Variants in CDH4 observed in about 807,000 individuals in gnomAD.
CDH4 encodes the protein cadherin 4.
A neutral mutation model predicts 86.0 loss-of-function variants in CDH4; 33 were observed. That is an observed-to-expected ratio of 0.38 (90% CI 0.29 to 0.51). The LOEUF (loss-of-function observed/expected upper bound fraction) is 0.51, where lower values mean the gene tolerates loss of function less well. Among genes scored for constraint, CDH4 ranks in the 20% least tolerant of loss-of-function variants. The pLI is 0.86. For synonymous variants in CDH4, 555 were observed against 549.4 expected (o/e 1.01, Z -0.14); for missense variants, 1,114 against 1,307.4 (o/e 0.85, Z 2.28).
chr20:61,562,806 G>A (rs1441373888), intron 2 of CDH4, among the ~76,000 whole-genome samples: 2 of 152,216 alleles, frequency 1.3e-5, no homozygotes, highest in Admixed American at 6.5e-5. Context: ...TGTAAATCGT[G>A]GTTCAGTGAG....
chr20:61,313,261 G>A (rs1197945970), intron 2 of CDH4, among the ~76,000 whole-genome samples: 3 of 152,152 alleles, frequency 2.0e-5, no homozygotes, highest in African/African-American at 7.2e-5. Context: ...ATGCTTCACT[G>A]TGAGTCTCCA....
In CDH4 at chr20:61,902,118, A is replaced by C. The variant is rs1453584079; in HGVS notation, c.1188+7071A>C. On this transcript the variant is annotated intron_variant, in intron 8 of 15. Coordinates refer to ENST00000614565, the MANE Select transcript of CDH4 (RefSeq NM_001794.5). This position sits in a 1 kb window ranked among gnomAD's most constrained non-coding sequence, Gnocchi z 4.6. ...TTCTGGCTTCCAGCAACTGATGGAA[A>C]TTCAAACCATGACGTGTTCAGTCCT... Among the ~76,000 whole-genome samples the C allele has an allele frequency of 6.6e-6, 1 of 152,206 alleles. No homozygotes were observed. The highest frequency in any genetic ancestry group is 1.9e-4 in the East Asian group (1 of 5,198).
chr20:61,608,618 G>A (rs985268090), intron 2 of CDH4, among the ~76,000 whole-genome samples: 3 of 152,236 alleles, frequency 2.0e-5, no homozygotes, highest in African/African-American at 7.2e-5. Flanking sequence ...CCAAGAACGT[G>A]GTCCACCACA....
At chr20:61,340,962 G>T (rs977378318) in intron 2 of CDH4, among the ~76,000 whole-genome samples, 4 of 152,208 alleles carry the variant, frequency 2.6e-5, no homozygotes, top group Non-Finnish European at 5.9e-5. Flanking sequence ...GCTTAAATCT[G>T]CCAAGCAACA....
chr20:61,691,800 C>G (rs1284064067), intron 2 of CDH4, among the ~76,000 whole-genome samples: 7 of 152,198 alleles, frequency 4.6e-5, no homozygotes, highest in Non-Finnish European at 7.3e-5. Flanking sequence ...ACGGGCCCAC[C>G]ACCGTGTCTA....
At chr20:61,849,117 G>A (rs1009409176) in intron 5 of CDH4, among the ~76,000 whole-genome samples, 6 of 151,998 alleles carry the variant, frequency 3.9e-5, no homozygotes, top group Non-Finnish European at 7.4e-5. Flanking sequence ...AAGCTGCATC[G>A]TCTGCCAAAT....
In CDH4 at chr20:61,940,599, A is replaced by G. The variant is rs1242524537; in HGVS notation, c.*3656A>G. The G allele has an allele frequency of 6.6e-6, 1 of 152,220 alleles. No homozygotes were observed. Among genetic ancestry groups the G allele is most frequent in the African/African-American group, 2.4e-5 (1 of 41,432 alleles). 9.4% of individuals were successfully genotyped at this position (152,220 alleles called of 1,614,324 possible). On this transcript the variant is annotated 3_prime_UTR_variant, in exon 16 of 16. Transcript: ENST00000614565. Reference sequence around the variant, plus strand: ...GGGCGCGCTGCTCCAGAGAATGAATAAAGTCCCCCTTTTCCGTAGTCGGCA... The same window carrying G: ...GGGCGCGCTGCTCCAGAGAATGAATGAAGTCCCCCTTTTCCGTAGTCGGCA...
intron 2 of CDH4, among the ~76,000 whole-genome samples, chr20:61,329,564 A>G (rs958601526): frequency 1.3e-4 from 20 of 151,964 alleles, no homozygotes; most frequent in Non-Finnish European, 1.3e-4. Flanking sequence ...TGTACTTTCA[A>G]TCAATCTCTT....
chr20:61,889,416 A>G (rs1334918690), intron 7 of CDH4, among the ~76,000 whole-genome samples: 1 of 146,046 alleles, frequency 6.8e-6, no homozygotes, highest in Non-Finnish European at 1.5e-5. Flanking sequence ...GGGTGGGTAG[A>G]TGATGGGTGA....
At position 61,910,495 on chromosome 20, in the gene CDH4, C is replaced by T. The variant is rs1321085790; in HGVS notation, c.1262C>T (p.Pro421Leu). 1 of 1,613,878 alleles carries T rather than the reference C, an allele frequency of 6.2e-7. No homozygotes were observed. The highest frequency in any genetic ancestry group is 8.5e-7 in the Non-Finnish European group (1 of 1,180,032). Residue 421 changes from proline (P) to leucine (L), a missense_variant, in exon 9 of 16, where the codon CCC (proline) becomes CTC (leucine). Physicochemically the swap from Pro to Leu is moderately conservative, Grantham distance 98. Around this residue, in one of 3 missense-constraint regions of CDH4, gnomAD observed 705 missense variants for 914.1 expected, o/e 0.77. Coordinates refer to ENST00000614565, the MANE Select transcript of CDH4 (RefSeq NM_001794.5). ...ANLTVMDRDQPHSPNWNAVYR... is the reference protein window; with the variant it reads ...ANLTVMDRDQLHSPNWNAVYR... ...CTCACGGTGATGGACCGAGATCAGC[C>T]CCACTCTCCAAACTGGAATGCCGTT...
chr20:61,532,676 C>T (rs2085964475), intron 2 of CDH4, among the ~76,000 whole-genome samples: 1 of 152,164 alleles, frequency 6.6e-6, no homozygotes, highest in Non-Finnish European at 1.5e-5. Flanking sequence ...TCTGATCAGC[C>T]AATGTTTTAA....
At chr20:61,345,872 G>C (rs2084676631) in intron 2 of CDH4, among the ~76,000 whole-genome samples, 1 of 152,204 alleles carries the variant, frequency 6.6e-6, no homozygotes, top group African/African-American at 2.4e-5. Flanking sequence ...TCCAAGGTAT[G>C]CATTCCTTAG....
rs1459536340 is a variant in CDH4 at position 61,565,194 on chromosome 20, TGGTGGTGGTCGCGGTGCTCTC to T, written c.170-178362_170-178342del. ...GGGGTGGTGGTGGTGGTGGTCCTCT[TGGTGGTGGTCGCGGTGCTCTC>T]GGTGGTAGGTGGTGGTGGTGGTGGT... On this transcript the variant is annotated intron_variant, in intron 2 of 15. Coordinates refer to ENST00000614565, the MANE Select transcript of CDH4 (RefSeq NM_001794.5). Among the ~76,000 whole-genome samples the T allele has an allele frequency of 9.0e-4, 47 of 52,238 alleles. 6 individuals carry two copies. In the South Asian group the frequency reaches 0.011, roughly 12 times the overall value. The allele number at this position is 52,238 out of a possible 152,430, so 34.3% of individuals were successfully genotyped here. A position where few individuals can be genotyped will look rare whatever the true frequency, so the allele number is the denominator to read the frequency against.
chr20:61,910,530 A>G lies in CDH4; in HGVS notation c.1297A>G (p.Ile433Val). 6.2e-7 allele frequency: 1 copy of G among 1,613,976 alleles called. No individual in the cohort carries two copies. Among genetic ancestry groups the G allele is most frequent in the Non-Finnish European group, 8.5e-7 (1 of 1,180,022 alleles). ...SPNWNAVYRI[I>V]SGDPSGHFSV... ...AAACTGGAATGCCGTTTACCGCATC[A>G]TCAGTGGGGATCCATCCGGGCACTT... The change falls in exon 9 of 16, where the codon ATC becomes GTC. Residue 433 changes from isoleucine to valine, a missense_variant. By Grantham distance (29) the Ile-to-Val change is conservative. Coordinates refer to ENST00000614565, the MANE Select transcript of CDH4 (RefSeq NM_001794.5).
chr20:61,353,145 C>T lies in CDH4; in HGVS notation c.169+98208C>T, dbSNP rs576233716. Among the ~76,000 whole-genome samples, 595 of 152,282 alleles carry T rather than the reference C, an allele frequency of 3.9e-3. 1 individual carries two copies. Among genetic ancestry groups the T allele is most frequent in the South Asian group, 0.01 (49 of 4,828 alleles). ...CCACAGGCTTCGCTTCTGGTGTTGG[C>T]TCTGCTGTGTCTCAGGTTTCCACCT... On this transcript the variant is annotated intron_variant, in intron 2 of 15. Transcript: ENST00000614565.
rs1345417553 is a variant in CDH4 at position 61,676,999 on chromosome 20, A to G, written c.170-66564A>G. Among the ~76,000 whole-genome samples the G allele has an allele frequency of 6.6e-6, 1 of 152,144 alleles. No individual in the cohort carries two copies. Among genetic ancestry groups the G allele is most frequent in the African/African-American group, 2.4e-5 (1 of 41,440 alleles). On this transcript the variant is annotated intron_variant, in intron 2 of 15. Transcript: ENST00000614565. The surrounding 1 kb of genome is among the most constrained non-coding windows in gnomAD (Gnocchi z 4.5). ...CTGTGGTGTGGCCCCAGCAGAGCAG[A>G]CCAGGAGGGTGCTGAGGACCAGACA... is the stretch of plus-strand genomic sequence containing the variant.
chr20:61,856,266 A>C (rs924555116), intron 6 of CDH4, among the ~76,000 whole-genome samples: 1 of 152,146 alleles, frequency 6.6e-6, no homozygotes, highest in African/African-American at 2.4e-5. Context: ...AGATGGGTTA[A>C]ATATTGACTC....
intron 2 of CDH4, among the ~76,000 whole-genome samples, chr20:61,317,430 C>T (rs1308820707): frequency 6.6e-6 from 1 of 152,188 alleles, no homozygotes; most frequent in Non-Finnish European, 1.5e-5. Flanking sequence ...AATCTGTTTG[C>T]ATTGAAGTGT....
intron 2 of CDH4, among the ~76,000 whole-genome samples, chr20:61,375,966 G>GGTA (rs1568819271): frequency 6.5e-3 from 33 of 5,084 alleles, no homozygotes; most frequent in Non-Finnish European, 9.9e-3. Context: ...TAGCACTGGT[G>GGTA]GTGATGGTAT....
Sources: allele counts gnomAD v4.1 joint callset (sites outside exome capture counted in the v4.1 genomes callset), GRCh38; gene constraint gnomAD v4.1.1; regional missense constraint gnomAD v4.1.1; non-coding constraint Gnocchi (gnomAD v3.1); transcripts MANE v1.5; gene names NCBI Gene and HGNC (gene_info 2026-07-23, HGNC 2026-07-21).